The following COL21A1 variants were observed in gnomAD, a reference collection of about 807,000 sequenced individuals.
COL21A1 encodes the protein collagen alpha-1(XXI) chain.
Under a neutral mutation model 137.9 loss-of-function variants are expected in COL21A1, and 149 were observed. That is an observed-to-expected ratio of 1.08 (90% CI 0.95 to 1.24). COL21A1 has a LOEUF of 1.24. Among genes scored for constraint, COL21A1 ranks in the 50% most tolerant of loss-of-function variants. COL21A1 has a pLI of 0.00. For missense variants in COL21A1, 1,167 were observed against 1,158.4 expected, an observed-to-expected ratio of 1.01 and a Z score of -0.11; for synonymous variants, 456 against 391.5, an observed-to-expected ratio of 1.16 and a Z score of -1.95.
At chr6:56,079,922 C>A (rs1767600012) in intron 17 of COL21A1, among the ~76,000 whole-genome samples, 1 of 151,522 alleles carries the variant, frequency 6.6e-6, no homozygotes, top group African/African-American at 2.4e-5. Context: ...CTAAGGAATT[C>A]TTGGCAAAAC....
At chr6:56,236,992 T>A (rs1781944002) in intron 1 of COL21A1, among the ~76,000 whole-genome samples, 1 of 152,076 alleles carries the variant, frequency 6.6e-6, no homozygotes, top group South Asian at 2.1e-4. Flanking sequence ...AACTCCCTAT[T>A]GAAAACAATG....
intron 10 of COL21A1, among the ~76,000 whole-genome samples, chr6:56,156,383 A>G (rs1361465683): frequency 6.6e-6 from 1 of 152,188 alleles, no homozygotes; most frequent in African/African-American, 2.4e-5. Context: ...GCTTTAGAGG[A>G]CTTAAAATTG....
chr6:56,098,012 A>T lies in COL21A1; in HGVS notation c.1812+3460T>A, dbSNP rs867041643. 1.2e-3 allele frequency among the ~76,000 whole-genome samples: 43 copies of T among 34,842 alleles called. 1 individual carries two copies. Among genetic ancestry groups the T allele is most frequent in the Middle Eastern group, 0.025 (1 of 40 alleles). 22.9% of individuals were successfully genotyped at this position (34,842 alleles called of 152,430 possible). A position where few individuals can be genotyped will look rare whatever the true frequency, so the allele number is the denominator to read the frequency against. On this transcript the variant is annotated intron_variant, in intron 17 of 29. Coordinates refer to ENST00000244728, the MANE Select transcript of COL21A1 (RefSeq NM_030820.4). ...ATATATGTAAATATATAAATATATAAATATATATAAATATATATGTAAATA... is the reference window on the plus strand; with the variant it reads ...ATATATGTAAATATATAAATATATATATATATATAAATATATATGTAAATA...
chr6:56,301,881 C>T (rs532409879), intron 1 of COL21A1, among the ~76,000 whole-genome samples: 10 of 152,070 alleles, frequency 6.6e-5, no homozygotes, highest in South Asian at 6.3e-4. Flanking sequence ...CAACAGGCCC[C>T]GGTGTGTGAT....
Position 56,063,836 on chromosome 6 carries a change from G to A in COL21A1, c.2172+742C>T, listed in dbSNP as rs1380045689. Among the ~76,000 whole-genome samples, 3 of 152,044 alleles carry A rather than the reference G, an allele frequency of 2.0e-5. No homozygotes were observed. In the East Asian group the frequency reaches 5.8e-4, roughly 29 times the overall value. On this transcript the variant is annotated intron_variant, in intron 24 of 29. Transcript: ENST00000244728. ...CTCCCACTCACCCTCAGAGAAAGAG[G>A]TCCACCCCATGGGAGGACTCACATA...
chr6:56,265,898 T>C (rs1159990915), intron 1 of COL21A1, among the ~76,000 whole-genome samples: 1 of 149,910 alleles, frequency 6.7e-6, no homozygotes, highest in Non-Finnish European at 1.5e-5. Flanking sequence ...GAAAATTACA[T>C]TCCATCTATC....
At chr6:56,089,671 C>G (rs1445221010) in intron 17 of COL21A1, among the ~76,000 whole-genome samples, 1 of 152,122 alleles carries the variant, frequency 6.6e-6, no homozygotes, top group East Asian at 1.9e-4. Flanking sequence ...TCCTCTCATC[C>G]ATTCTCTTCA....
chr6:56,078,026 T>G (rs905383805), intron 17 of COL21A1: 15 of 453,958 alleles, frequency 3.3e-5, no homozygotes, highest in African/African-American at 2.8e-4. Flanking sequence ...ACCTGAGCCT[T>G]GAAATACCCA....
chr6:56,225,280 A>G (rs1312643532), intron 1 of COL21A1, among the ~76,000 whole-genome samples: 1 of 152,050 alleles, frequency 6.6e-6, no homozygotes, highest in African/African-American at 2.4e-5. Flanking sequence ...AAACCCCCCA[A>G]GCTATCAAGA....
chr6:56,339,752 T>G (rs1261245354), intron 1 of COL21A1, among the ~76,000 whole-genome samples: 1 of 152,250 alleles, frequency 6.6e-6, no homozygotes, highest in Non-Finnish European at 1.5e-5. Flanking sequence ...AAACCAGCTT[T>G]GGCTACTTCC....
chr6:56,311,323 G>A (rs1028628360), intron 1 of COL21A1, among the ~76,000 whole-genome samples: 1 of 149,108 alleles, frequency 6.7e-6, no homozygotes, highest in Non-Finnish European at 1.5e-5. Flanking sequence ...ATGAGGGAGT[G>A]GTCCAGATCA....
At chr6:56,109,579 G>A (rs1771235131) in intron 16 of COL21A1, among the ~76,000 whole-genome samples, 1 of 151,812 alleles carries the variant, frequency 6.6e-6, no homozygotes, top group South Asian at 2.1e-4. Flanking sequence ...AAAGAACCAG[G>A]CTCAAATGAC....
At chr6:56,093,089 G>A (rs1214895218) in intron 17 of COL21A1, among the ~76,000 whole-genome samples, 1 of 152,014 alleles carries the variant, frequency 6.6e-6, no homozygotes, top group Admixed American at 6.6e-5. Flanking sequence ...ACTGGGATAA[G>A]CCAAGATAAT....
intron 1 of COL21A1, among the ~76,000 whole-genome samples, chr6:56,216,651 C>T (rs1780506379): frequency 6.6e-6 from 1 of 152,054 alleles, no homozygotes; most frequent in African/African-American, 2.4e-5. Context: ...CAACATTATT[C>T]GCAGCCTCTG....
chr6:56,082,696 C>A (rs1390120520), intron 17 of COL21A1, among the ~76,000 whole-genome samples: 4 of 151,092 alleles, frequency 2.6e-5, no homozygotes, highest in Admixed American at 2.0e-4. Context: ...GGTAATCATA[C>A]CAAAATATTT....
intron 1 of COL21A1, among the ~76,000 whole-genome samples, chr6:56,357,842 C>T (rs1009640420): frequency 1.3e-5 from 2 of 152,102 alleles, no homozygotes. Context: ...AGATAATAGG[C>T]ATCTTCTAAA....
intron 17 of COL21A1, among the ~76,000 whole-genome samples, chr6:56,079,013 G>A (rs1005188516): frequency 1.3e-5 from 2 of 151,560 alleles, no homozygotes; most frequent in Non-Finnish European, 3.0e-5. Flanking sequence ...TACCTTCTTA[G>A]GCAGAAAATG....
intron 1 of COL21A1, among the ~76,000 whole-genome samples, chr6:56,324,149 A>G (rs2152341906): frequency 6.6e-6 from 1 of 152,194 alleles, no homozygotes; most frequent in Admixed American, 6.6e-5. Flanking sequence ...AATTCAAAGC[A>G]TTTCTTTATG....
At position 56,075,494 on chromosome 6, in the gene COL21A1, T is replaced by C; in HGVS notation, c.1896A>G (p.Gly632=). Residue 632 remains glycine (G), a synonymous_variant, in exon 19 of 30, where the codon GGA becomes GGG. Coordinates refer to ENST00000244728, the MANE Select transcript of COL21A1 (RefSeq NM_030820.4). ...IGPPGQQGKK[G]APGMPGLMGS... ...ATCAACATACAGGCATCCCTGGGGC[T>C]CCTTTTTTTCCTTGCTGTCCTGGAG... 6.5e-7 allele frequency: 1 copy of C among 1,538,128 alleles called. No homozygotes were observed. Among genetic ancestry groups the C allele is most frequent in the Non-Finnish European group, 8.8e-7 (1 of 1,141,834 alleles).
Sources: gnomAD v4.1 joint callset for allele counts (sites outside exome capture counted in the v4.1 genomes callset) on GRCh38, gnomAD v4.1.1 for gene constraint, MANE v1.5 for transcripts, NCBI Gene and HGNC (gene_info 2026-07-23, HGNC 2026-07-21) for gene names.